Variants in DPH6 observed in about 807,000 individuals in gnomAD.
DPH6 encodes diphthine--ammonia ligase.
In DPH6, 33 loss-of-function variants were observed where a neutral mutation model predicts 38.2. The ratio of observed to expected loss-of-function variants is 0.86; its 90% CI spans 0.65 to 1.15. The LOEUF is 1.15. Ranked by LOEUF, DPH6 falls within the 50% of genes most tolerant of loss-of-function variation. The pLI is 0.00. For synonymous variants in DPH6, 108 were observed against 103.0 expected (o/e 1.05, Z -0.30); for missense variants, 325 against 320.0 (o/e 1.02, Z -0.12).
the DPH6 span, among the ~76,000 whole-genome samples, chr15:35,202,763 G>A: frequency 6.6e-5 from 10 of 151,866 alleles, no homozygotes; most frequent in Admixed American, 6.6e-4. Context: ...TGCGTTTTCA[G>A]TATCTGGTCA....
At chr15:35,161,550 C>T in the DPH6 span, among the ~76,000 whole-genome samples, 20 of 152,020 alleles carry the variant, frequency 1.3e-4, no homozygotes, top group Non-Finnish European at 2.4e-4. Context: ...TATGTTGAAA[C>T]GCTAATCTCC....
At chr15:35,538,001 T>C (rs966638611) in intron 3 of DPH6, 1 of 229,004 alleles carries the variant, frequency 4.4e-6, no homozygotes, top group Admixed American at 5.4e-5. Flanking sequence ...TCAGCTCTAA[T>C]CTTTCTTTTC....
At chr15:35,242,000 T>G (rs1396416911) in intron 3 of DPH6, among the ~76,000 whole-genome samples, 1 of 143,924 alleles carries the variant, frequency 6.9e-6, no homozygotes, top group Non-Finnish European at 1.5e-5. Context: ...CCCTCCACAA[T>G]CCATTATTCT....
At chr15:35,255,927 C>T (rs2051705156) in intron 3 of DPH6, among the ~76,000 whole-genome samples, 1 of 151,986 alleles carries the variant, frequency 6.6e-6, no homozygotes, top group Admixed American at 6.6e-5. Context: ...TATGTGCACA[C>T]ATATACATGA....
At chr15:35,297,288 G>T (rs2052021739) in intron 3 of DPH6, among the ~76,000 whole-genome samples, 1 of 150,930 alleles carries the variant, frequency 6.6e-6, no homozygotes, top group Non-Finnish European at 1.5e-5. Flanking sequence ...TTACAGCAAA[G>T]CCCCTTGAAA....
intron 3 of DPH6, among the ~76,000 whole-genome samples, chr15:35,494,709 T>C (rs2054526083): frequency 6.6e-6 from 1 of 151,984 alleles, no homozygotes; most frequent in Admixed American, 6.6e-5. Context: ...ATCAAAACTA[T>C]CAATCAATAC....
intron 3 of DPH6, among the ~76,000 whole-genome samples, chr15:35,499,352 A>G (rs1165340011): frequency 6.6e-6 from 1 of 152,096 alleles, no homozygotes; most frequent in African/African-American, 2.4e-5. Flanking sequence ...TCTGATGATT[A>G]TGAGAGTTAA....
intron 3 of DPH6, among the ~76,000 whole-genome samples, chr15:35,479,679 CCTCTCACATCA>C (rs2054303454): frequency 6.6e-6 from 1 of 152,008 alleles, no homozygotes; most frequent in African/African-American, 2.4e-5. Context: ...TTTCTGGTCT[CCTCTCACATCA>C]CAGGGTTTAA....
intron 3 of DPH6, among the ~76,000 whole-genome samples, chr15:35,253,216 A>G (rs1303773861): frequency 6.6e-6 from 1 of 152,260 alleles, no homozygotes; most frequent in Non-Finnish European, 1.5e-5. Flanking sequence ...CCCCATTATT[A>G]TAAAGAAACT....
intron 3 of DPH6, among the ~76,000 whole-genome samples, chr15:35,514,929 G>C (rs914360105): frequency 3.9e-5 from 6 of 152,104 alleles, no homozygotes; most frequent in African/African-American, 1.4e-4. Flanking sequence ...GAACAAGTAA[G>C]AAAAATATAG....
At chr15:35,263,536 G>A (rs1737400818) in intron 3 of DPH6, among the ~76,000 whole-genome samples, 1 of 151,262 alleles carries the variant, frequency 6.6e-6, no homozygotes. Context: ...CCAAGCAGCT[G>A]GGGCTACAGG....
intron 3 of DPH6, among the ~76,000 whole-genome samples, chr15:35,281,394 C>T (rs2051898218): frequency 6.6e-6 from 1 of 152,106 alleles, no homozygotes; most frequent in East Asian, 1.9e-4. Context: ...AACTTTAAAA[C>T]ATTGTTATTT....
At chr15:35,224,904 A>T (rs2051469908) in intron 3 of DPH6, among the ~76,000 whole-genome samples, 1 of 152,220 alleles carries the variant, frequency 6.6e-6, no homozygotes, top group African/African-American at 2.4e-5. Flanking sequence ...TTAACATCTT[A>T]AATTACCGTG....
chr15:35,533,582 T>G (rs2055120194), intron 3 of DPH6, among the ~76,000 whole-genome samples: 1 of 151,840 alleles, frequency 6.6e-6, no homozygotes, highest in African/African-American at 2.4e-5. Flanking sequence ...ATTATAAAAT[T>G]TGGGTCCTAT....
the DPH6 span, among the ~76,000 whole-genome samples, chr15:35,159,063 A>G: frequency 6.6e-6 from 1 of 152,100 alleles, no homozygotes; most frequent in African/African-American, 2.4e-5. Context: ...CTACTTTTCT[A>G]AGCTGGTGTT....
chr15:35,282,313 A>G (rs907699419), intron 3 of DPH6, among the ~76,000 whole-genome samples: 2 of 152,134 alleles, frequency 1.3e-5, no homozygotes, highest in Non-Finnish European at 2.9e-5. Flanking sequence ...GTGGGACTAC[A>G]GTTATGTGCT....
At chr15:35,424,268 C>G (rs2053541830) in intron 5 of DPH6, among the ~76,000 whole-genome samples, 1 of 151,556 alleles carries the variant, frequency 6.6e-6, no homozygotes, top group Non-Finnish European at 1.5e-5. Flanking sequence ...GTGTGCAAGA[C>G]TTTCACTTCT....
At chr15:35,397,169 T>C (rs1489545378) in intron 6 of DPH6, among the ~76,000 whole-genome samples, 2 of 152,248 alleles carry the variant, frequency 1.3e-5, no homozygotes, top group African/African-American at 4.8e-5. Context: ...GTTGCATTTA[T>C]CCAGGTTTAG....
the DPH6 span, among the ~76,000 whole-genome samples, chr15:35,168,292 C>G: frequency 7.2e-5 from 11 of 152,036 alleles, no homozygotes; most frequent in Non-Finnish European, 1.6e-4. Flanking sequence ...TTATTTTCTT[C>G]TGAGCTAAAT....
Sources: allele counts gnomAD v4.1 joint callset (sites outside exome capture counted in the v4.1 genomes callset), GRCh38; gene constraint gnomAD v4.1.1; transcripts MANE v1.5; gene names NCBI Gene and HGNC (gene_info 2026-07-23, HGNC 2026-07-21).